The following KANK1 variants were observed in gnomAD, a reference collection of about 807,000 sequenced individuals.
KANK1 encodes KN motif and ankyrin repeat domain-containing protein 1.
In KANK1, 109 loss-of-function variants were observed where a neutral mutation model predicts 106.2. That is an observed-to-expected ratio of 1.03 (90% CI 0.88 to 1.20). The LOEUF (loss-of-function observed/expected upper bound fraction) is 1.20, where lower values mean the gene tolerates loss of function less well. KANK1 is among the 50% of genes most tolerant of loss of function. The pLI is 0.00. For synonymous variants in KANK1, 873 were observed against 652.2 expected, an observed-to-expected ratio of 1.34 and a Z score of -5.16; for missense variants, 2,399 against 1,710.7, an observed-to-expected ratio of 1.40 and a Z score of -7.10.
chr9:587,982 C>T (rs1279927415), intron 1 of KANK1, among the ~76,000 whole-genome samples: 3 of 151,940 alleles, frequency 2.0e-5, no homozygotes, highest in African/African-American at 7.3e-5. Flanking sequence ...AGGAGAATTG[C>T]TTGAACCTGG....
At chr9:687,229 C>G (rs762659064) in intron 2 of KANK1, among the ~76,000 whole-genome samples, 2 of 152,046 alleles carry the variant, frequency 1.3e-5, no homozygotes, top group South Asian at 2.1e-4. Context: ...GGACCAGCCC[C>G]GAGGCTGCGA....
chr9:717,232 C>G (rs1307581776), intron 3 of KANK1, among the ~76,000 whole-genome samples: 1 of 151,610 alleles, frequency 6.6e-6, no homozygotes, highest in Non-Finnish European at 1.5e-5. Context: ...CTGCAGTGAG[C>G]CATGATTGTC....
chr9:507,409 G>C (rs919834098), intron 1 of KANK1, among the ~76,000 whole-genome samples: 1 of 152,008 alleles, frequency 6.6e-6, no homozygotes, highest in Non-Finnish European at 1.5e-5. Context: ...CAGCCCTGCC[G>C]ACGGAGTTTT....
intron 1 of KANK1, among the ~76,000 whole-genome samples, chr9:560,220 G>C (rs1476741972): frequency 6.6e-6 from 1 of 152,108 alleles, no homozygotes; most frequent in African/African-American, 2.4e-5. Flanking sequence ...AGAGAATTTG[G>C]GTAATGTTGT....
At chr9:605,240 G>T (rs569779582) in intron 1 of KANK1, among the ~76,000 whole-genome samples, 7 of 146,896 alleles carry the variant, frequency 4.8e-5, no homozygotes, top group African/African-American at 1.8e-4. Flanking sequence ...GGCAGAGGTT[G>T]CAGTGAGCCC....
intron 1 of KANK1, among the ~76,000 whole-genome samples, chr9:570,632 TA>T: frequency 1.3e-5 from 2 of 152,354 alleles, no homozygotes; most frequent in African/African-American, 4.8e-5. Context: ...ATTGGAGACT[TA>T]TTCTCCTTTT....
chr9:645,734 T>G (rs1157598517), intron 1 of KANK1, among the ~76,000 whole-genome samples: 1 of 150,534 alleles, frequency 6.6e-6, no homozygotes, highest in Admixed American at 6.6e-5. Flanking sequence ...ATACGGAAAT[T>G]AGCCGGGTGT....
intron 1 of KANK1, among the ~76,000 whole-genome samples, chr9:535,914 C>A (rs1264699705): frequency 2.6e-5 from 4 of 152,216 alleles, no homozygotes; most frequent in Non-Finnish European, 4.4e-5. Context: ...TTCTTCCAAG[C>A]TCCTTCACTA....
At chr9:641,668 A>C (rs1838466100) in intron 1 of KANK1, among the ~76,000 whole-genome samples, 1 of 152,184 alleles carries the variant, frequency 6.6e-6, no homozygotes, top group South Asian at 2.1e-4. Context: ...GAGAAAGAAC[A>C]CAGTGATTTT....
chr9:565,356 G>T (rs1456110338), intron 1 of KANK1, among the ~76,000 whole-genome samples: 1 of 152,196 alleles, frequency 6.6e-6, no homozygotes, highest in Non-Finnish European at 1.5e-5. Context: ...TCTACCTTGT[G>T]CAGACAGTAG....
chr9:713,191 G>A lies in KANK1; in HGVS notation c.2425G>A (p.Glu809Lys). The A allele has an allele frequency of 6.3e-7, 1 of 1,585,254 alleles. No individual in the cohort carries two copies. The highest frequency in any genetic ancestry group is 8.6e-7 in the Non-Finnish European group (1 of 1,165,848). The change falls in exon 3 of 12, where the codon GAG becomes AAG. Residue 809 changes from glutamate (E) to lysine (K), a missense_variant. Transcript: ENST00000382297. ...VGDDPVGESL[E>K]NPQPQAPLGM... ...GGATGACCCTGTAGGGGAATCTCTG[G>A]AGAACCCCCAGCCTCAAGCTCCACT...
chr9:571,567 A>AT (rs1447847851), intron 1 of KANK1, among the ~76,000 whole-genome samples: 1 of 144,850 alleles, frequency 6.9e-6, no homozygotes, highest in Admixed American at 7.3e-5. Flanking sequence ...TTCTAAATAA[A>AT]AAAAAAAAAA....
rs34662647 is a variant in KANK1, at chr9:742,386, A to G, written c.3878A>G (p.Asn1293Ser). The change falls in exon 10 of 12, where the codon AAC (asparagine) becomes AGC (serine). Residue 1293 changes from asparagine to serine, a missense_variant. Coordinates refer to ENST00000382297, the MANE Select transcript of KANK1 (RefSeq NM_015158.5). ...CTGCTGCTGGCCCAGCCCGGCTGCA[A>G]CGGTCACCTAGAGGACAACGTAAGC... ...VKLLLAQPGC[N>S]GHLEDNDGST... is the part of the protein sequence containing the mutation. 588 of 1,613,666 alleles carry G rather than the reference A, an allele frequency of 3.6e-4. 4 individuals carry two copies. The African/African-American group carries it at 6.7e-3, about 18-fold the overall frequency.
intron 6 of KANK1, chr9:733,764 A>T (rs1230656455): frequency 2.0e-5 from 3 of 152,204 alleles, no homozygotes; most frequent in African/African-American, 7.2e-5. Flanking sequence ...CCTGTCTCAG[A>T]AAAAAAGTAA....
intron 9 of KANK1, among the ~76,000 whole-genome samples, chr9:741,286 G>A (rs1253520092): frequency 6.6e-6 from 1 of 151,758 alleles, no homozygotes; most frequent in Non-Finnish European, 1.5e-5. Context: ...TGTCTTCATA[G>A]CAAACAGTGT....
rs546621772 is a variant in KANK1 at position 729,614 on chromosome 9, T to C, written c.2699-437T>C. Among the ~76,000 whole-genome samples the C allele has an allele frequency of 6.6e-5, 10 of 152,310 alleles. 1 individual carries two copies. The highest frequency in any genetic ancestry group is 4.6e-4 in the Admixed American group (7 of 15,294). On this transcript the variant is annotated intron_variant, in intron 3 of 11. Coordinates refer to ENST00000382297, the MANE Select transcript of KANK1 (RefSeq NM_015158.5). ...AGCCAGTACCAGGTTATGGATAGTTTAGAATCTCTGGCTCTGCAGTGTGGA... is the reference window on the plus strand; with the variant it reads ...AGCCAGTACCAGGTTATGGATAGTTCAGAATCTCTGGCTCTGCAGTGTGGA...
At chr9:546,700 G>A (rs758867552) in intron 1 of KANK1, among the ~76,000 whole-genome samples, 5 of 146,786 alleles carry the variant, frequency 3.4e-5, no homozygotes, top group Non-Finnish European at 7.4e-5. Context: ...TGTAATGCAA[G>A]GCAATCTTGT....
intron 1 of KANK1, among the ~76,000 whole-genome samples, chr9:618,327 C>G (rs1184383153): frequency 6.6e-6 from 1 of 152,080 alleles, no homozygotes. Flanking sequence ...CCTGCCTCAG[C>G]CTCCCGAGTA....
At chr9:632,605 T>C (rs10975506) in intron 1 of KANK1, among the ~76,000 whole-genome samples, 22,410 of 152,066 alleles carry the variant, frequency 0.15, 1,788 homozygotes, top group Admixed American at 0.17. Context: ...TTTCATTCCG[T>C]GGAGTCACAC....
Sources: allele counts gnomAD v4.1 joint callset (sites outside exome capture counted in the v4.1 genomes callset), GRCh38; gene constraint gnomAD v4.1.1; transcripts MANE v1.5; gene names NCBI Gene and HGNC (gene_info 2026-07-23, HGNC 2026-07-21).